Variants in AKT3 observed in about 807,000 individuals in gnomAD.
AKT3 encodes the protein RAC-gamma serine/threonine-protein kinase.
A neutral mutation model predicts 65.3 loss-of-function variants in AKT3; 15 were observed. That is an observed-to-expected ratio of 0.23 (90% CI 0.15 to 0.35). AKT3 has a LOEUF of 0.35. Among genes scored for constraint, AKT3 ranks in the 10% least tolerant of loss-of-function variants. AKT3 has a pLI of 1.00. For synonymous variants in AKT3, 206 were observed against 183.8 expected, an observed-to-expected ratio of 1.12 and a Z score of -0.98; for missense variants, 243 against 576.5, an observed-to-expected ratio of 0.42 and a Z score of 5.92.
chr1:243,818,952 G>T (rs1693694770), intron 2 of AKT3, among the ~76,000 whole-genome samples: 1 of 152,218 alleles, frequency 6.6e-6, no homozygotes, highest in Non-Finnish European at 1.5e-5. Flanking sequence ...GCCAAGGGAG[G>T]CAGTGAGTGA....
In AKT3 at chr1:243,803,094, G is replaced by A. The variant is rs189691557; in HGVS notation, c.46+40031C>T. ...GCCCAGGAGTTCAAGGTTGCAGTGC[G>A]CTATGATCGCACTCCAACCTGGGTG... On this transcript the variant is annotated intron_variant, in intron 2 of 13. Transcript: ENST00000673466. Among the ~76,000 whole-genome samples the A allele has an allele frequency of 3.4e-4, 51 of 152,222 alleles. No homozygotes were observed. In the East Asian group the frequency reaches 7.0e-3, roughly 21 times the overall value.
intron 2 of AKT3, among the ~76,000 whole-genome samples, chr1:243,793,022 A>G (rs1214057972): frequency 6.6e-6 from 1 of 152,206 alleles, no homozygotes; most frequent in Non-Finnish European, 1.5e-5. Flanking sequence ...GTAATAAAAC[A>G]CTTTTCACTG....
chr1:243,590,345 G>A (rs1676137954), intron 8 of AKT3, among the ~76,000 whole-genome samples: 1 of 151,942 alleles, frequency 6.6e-6, no homozygotes, highest in Admixed American at 6.6e-5. Context: ...TCACTACACT[G>A]TATACCTAAA....
At chr1:243,792,981 A>T (rs757359320) in intron 2 of AKT3, among the ~76,000 whole-genome samples, 4 of 152,232 alleles carry the variant, frequency 2.6e-5, no homozygotes, top group Admixed American at 1.3e-4. Context: ...ATCTAATGTC[A>T]GAACAGAAAC....
intron 8 of AKT3, among the ~76,000 whole-genome samples, chr1:243,593,265 A>G (rs1676360679): frequency 6.6e-6 from 1 of 152,250 alleles, no homozygotes; most frequent in African/African-American, 2.4e-5. Flanking sequence ...ATAGATGTAA[A>G]AACTTAACAA....
chr1:243,703,287 G>A (rs952438261), intron 2 of AKT3, among the ~76,000 whole-genome samples: 2 of 152,076 alleles, frequency 1.3e-5, no homozygotes, highest in African/African-American at 4.8e-5. Flanking sequence ...AATTATAGTT[G>A]CTGAAGAAAT....
intron 2 of AKT3, among the ~76,000 whole-genome samples, chr1:243,748,166 GT>G (rs1558775190): frequency 6.6e-6 from 1 of 152,010 alleles, no homozygotes; most frequent in Non-Finnish European, 1.5e-5. Flanking sequence ...GGTGTGTCTG[GT>G]TTTTTGTGTT....
chr1:243,823,637 G>A (rs1217685143), intron 2 of AKT3, among the ~76,000 whole-genome samples: 1 of 152,088 alleles, frequency 6.6e-6, no homozygotes, highest in Non-Finnish European at 1.5e-5. Flanking sequence ...CAGACAAGCA[G>A]AGAGCCAAAT....
chr1:243,526,426 A>G (rs923637038), intron 12 of AKT3, among the ~76,000 whole-genome samples: 1 of 152,162 alleles, frequency 6.6e-6, no homozygotes, highest in African/African-American at 2.4e-5. Flanking sequence ...GCCACGTACC[A>G]ATAAGATGGT....
intron 8 of AKT3, among the ~76,000 whole-genome samples, chr1:243,597,492 T>G (rs1676701863): frequency 6.6e-6 from 1 of 152,094 alleles, no homozygotes; most frequent in Admixed American, 6.6e-5. Flanking sequence ...CAGAATACTA[T>G]GCATTTTTGT....
Position 243,730,945 on chromosome 1 carries a change from T to A in AKT3, c.47-35229A>T, listed in dbSNP as rs958452968. Among the ~76,000 whole-genome samples the A allele has an allele frequency of 7.9e-5, 12 of 152,310 alleles. 1 individual carries two copies. The highest frequency in any genetic ancestry group is 2.9e-4 in the African/African-American group (12 of 41,578). On this transcript the variant is annotated intron_variant, in intron 2 of 13. Coordinates refer to ENST00000673466, the MANE Select transcript of AKT3 (RefSeq NM_005465.7). ...CTGGCCGGACCCTGTGTTAGCTCTC[T>A]CACACACCCTTCAGTGCTCTGAGCC...
chr1:243,541,300 A>G (rs1040850744), intron 12 of AKT3, among the ~76,000 whole-genome samples: 1 of 152,206 alleles, frequency 6.6e-6, no homozygotes, highest in African/African-American at 2.4e-5. Context: ...TTATTTATGC[A>G]ATATAGACTC....
downstream of AKT3, among the ~76,000 whole-genome samples, chr1:243,495,377 C>T (rs115217784): frequency 7.1e-3 from 1,088 of 152,316 alleles, 14 homozygotes; most frequent in African/African-American, 0.024. Flanking sequence ...GTTCCTTTCT[C>T]GGAGCCCAGA....
In AKT3 at chr1:243,619,860, T is replaced by C. The variant is rs1380569422; in HGVS notation, c.562-4699A>G. On this transcript the variant is annotated intron_variant, in intron 6 of 13. Transcript: ENST00000673466. ...TCCTTTGTTTTGGATATATATATGG[T>C]AGTTCTATTTTTAGTTTTTGAGGAA... Among the ~76,000 whole-genome samples, 6 of 98,696 alleles carry C rather than the reference T, an allele frequency of 6.1e-5. 3 individuals are homozygous for C. Among genetic ancestry groups the C allele is most frequent in the Admixed American group, 4.5e-4 (4 of 8,876 alleles). The allele number at this position is 98,696 out of a possible 152,430, so 64.7% of individuals were successfully genotyped here.
At chr1:243,528,820 TC>T (rs1290825771) in intron 12 of AKT3, among the ~76,000 whole-genome samples, 3 of 152,174 alleles carry the variant, frequency 2.0e-5, no homozygotes, top group African/African-American at 7.2e-5. Context: ...GAATTTACAT[TC>T]CAATAATGGG....
chr1:243,573,122 C>A, intron 8 of AKT3, 74 bp from the exon 9 acceptor site: 2 of 1,506,742 alleles, frequency 1.3e-6, no homozygotes, highest in Non-Finnish European at 1.8e-6. Flanking sequence ...AAACATAAAA[C>A]ACCTCTCATC....
intron 2 of AKT3, among the ~76,000 whole-genome samples, chr1:243,830,762 G>A (rs945737429): frequency 6.6e-6 from 1 of 152,042 alleles, no homozygotes; most frequent in Non-Finnish European, 1.5e-5. Flanking sequence ...CTTAAAATAC[G>A]CATTAATCTT....
At chr1:243,627,721 C>A (rs763868227) in intron 6 of AKT3, among the ~76,000 whole-genome samples, 12 of 152,158 alleles carry the variant, frequency 7.9e-5, no homozygotes, top group Non-Finnish European at 1.5e-4. Flanking sequence ...CAGGAACCAC[C>A]CATAACATTC....
rs555960616 is a variant in AKT3 at position 243,780,904 on chromosome 1, TAAA to T, written c.46+62218_46+62220del. Among the ~76,000 whole-genome samples the T allele has an allele frequency of 2.1e-3, 312 of 152,040 alleles. 3 individuals carry two copies. Among genetic ancestry groups the T allele is most frequent in the African/African-American group, 6.7e-3 (280 of 41,538 alleles). The stretch of plus-strand genomic sequence containing the variant: ...TTCCTTTCTATAGATTACTACTGTT[TAAA>T]AAAATAAGTAAATAAACTTATGCCT... On this transcript the variant is annotated intron_variant, in intron 2 of 13. Transcript: ENST00000673466.
Sources: allele counts gnomAD v4.1 joint callset (sites outside exome capture counted in the v4.1 genomes callset), GRCh38; gene constraint gnomAD v4.1.1; transcripts MANE v1.5; gene names NCBI Gene and HGNC (gene_info 2026-07-23, HGNC 2026-07-21).